Variants in ASXL3 observed in about 807,000 individuals in gnomAD.
The protein encoded by ASXL3 is putative Polycomb group protein ASXL3.
Under a neutral mutation model 170.6 loss-of-function variants are expected in ASXL3, and 34 were observed. That is an observed-to-expected ratio of 0.20 (90% confidence interval 0.15 to 0.27). The LOEUF (loss-of-function observed/expected upper bound fraction) is 0.27, where lower values mean the gene tolerates loss of function less well. Among genes scored for constraint, ASXL3 ranks in the 10% least tolerant of loss-of-function variants. The pLI is 1.00. For synonymous variants in ASXL3, 1,002 were observed against 989.1 expected (o/e 1.01, Z -0.24); for missense variants, 2,592 against 2,695.3 (o/e 0.96, Z 0.85).
intron 7 of ASXL3, among the ~76,000 whole-genome samples, chr18:33,677,980 C>T (rs2066454842): frequency 6.6e-6 from 1 of 152,186 alleles, no homozygotes. Flanking sequence ...GCCTCAAACT[C>T]GTGAGCTCAG....
chr18:33,734,239 T>C, intron 9 of ASXL3, 71 bp from the exon 10 acceptor site: 1 of 1,021,592 alleles, frequency 9.8e-7, no homozygotes, highest in South Asian at 1.9e-5. Context: ...TCAAATGAAT[T>C]ACATGTTTTC....
At chr18:33,666,339 A>G (rs1333019058) in intron 5 of ASXL3, among the ~76,000 whole-genome samples, 1 of 152,208 alleles carries the variant, frequency 6.6e-6, no homozygotes, top group Non-Finnish European at 1.5e-5. Flanking sequence ...ATCTGTCAAA[A>G]TAAATCACAT....
chr18:33,689,003 CT>C (rs11370465), intron 8 of ASXL3, among the ~76,000 whole-genome samples: 68 of 149,546 alleles, frequency 4.5e-4, no homozygotes, highest in African/African-American at 1.4e-3. Flanking sequence ...TTCTTTTTAT[CT>C]TTTTTTTTTG....
In ASXL3 at chr18:33,743,230, C is replaced by T. The variant is rs1224996800; in HGVS notation, c.3382C>T (p.Arg1128Trp). The T allele has an allele frequency of 1.8e-5, 29 of 1,613,818 alleles. No individual in the cohort carries two copies. Among genetic ancestry groups the T allele is most frequent in the African/African-American group, 2.7e-5 (2 of 74,912 alleles). The change falls in exon 12 of 12, where the codon CGG becomes TGG. Residue 1128 changes from arginine to tryptophan, a missense_variant. Physicochemically the swap from Arg to Trp is moderately radical, Grantham distance 101. Around this residue, in one of 4 missense-constraint regions of ASXL3, gnomAD observed 2,246 missense variants for 2,219.6 expected, o/e 1.01. Transcript: ENST00000269197. ...TCTCTTCCAGACCTCTAAAGAGACC[C>T]GGTTGCCTCCTCCGCTCAGCTCAAA... ...AHLFQTSKET[R>W]LPPPLSSKEG...
intron 8 of ASXL3, among the ~76,000 whole-genome samples, chr18:33,719,296 G>A (rs1036967131): frequency 9.9e-5 from 15 of 151,800 alleles, no homozygotes; most frequent in Middle Eastern, 6.8e-3. Context: ...ATACATCTCT[G>A]CTTGGAAATA....
chr18:33,715,538 G>A (rs965184421), intron 8 of ASXL3, among the ~76,000 whole-genome samples: 1 of 152,196 alleles, frequency 6.6e-6, no homozygotes, highest in Admixed American at 6.5e-5. Flanking sequence ...TGATTTTGCT[G>A]TAGAAATGGG....
intron 7 of ASXL3, among the ~76,000 whole-genome samples, chr18:33,676,623 T>G (rs534407011): frequency 6.6e-6 from 1 of 152,224 alleles, no homozygotes; most frequent in East Asian, 1.9e-4. Flanking sequence ...TCCTTTATTA[T>G]AGACCTTGAA....
At chr18:33,602,430 A>G (rs1360016621) in intron 1 of ASXL3, among the ~76,000 whole-genome samples, 1 of 152,038 alleles carries the variant, frequency 6.6e-6, no homozygotes, top group Non-Finnish European at 1.5e-5. Flanking sequence ...AATACTGGGT[A>G]TTTGCTGAGG....
chr18:33,654,761 C>G (rs1040183806), intron 4 of ASXL3, among the ~76,000 whole-genome samples: 3 of 152,002 alleles, frequency 2.0e-5, no homozygotes, highest in Non-Finnish European at 2.9e-5. Flanking sequence ...CTCCATTACC[C>G]TGTGAGCGAA....
intron 8 of ASXL3, among the ~76,000 whole-genome samples, chr18:33,692,557 ACC>A (rs1344487439): frequency 6.6e-6 from 1 of 151,632 alleles, no homozygotes; most frequent in Non-Finnish European, 1.5e-5. Flanking sequence ...CATCTAAAAC[ACC>A]TTCTTTAGTT....
At position 33,745,371 on chromosome 18, in the gene ASXL3, T is replaced by C. The variant is rs1424802556; in HGVS notation, c.5523T>C (p.Val1841=). The change falls in exon 12 of 12, where the codon GTT becomes GTC. Residue 1841 remains valine, a synonymous_variant. Transcript: ENST00000269197. ...VARTVGEHTQ[V]KCEPGKLLVE... is the part of the protein sequence containing the mutation. ...GGACTGTAGGAGAACACACTCAAGTTAAATGTGAACCAGGAAAATTGTTGG... is the reference window on the plus strand; with the variant it reads ...GGACTGTAGGAGAACACACTCAAGTCAAATGTGAACCAGGAAAATTGTTGG... 3 of 1,613,758 alleles carry C rather than the reference T, an allele frequency of 1.9e-6. No homozygotes were observed. The African/African-American group carries it at 4.0e-5, about 22-fold the overall frequency.
At chr18:33,682,459 A>G (rs2066529240) in intron 7 of ASXL3, among the ~76,000 whole-genome samples, 1 of 152,182 alleles carries the variant, frequency 6.6e-6, no homozygotes, top group East Asian at 1.9e-4. Context: ...TGAACTCTAC[A>G]TACAGCCTTC....
chr18:33,634,549 C>A (rs1599423727), intron 2 of ASXL3, among the ~76,000 whole-genome samples: 1 of 152,082 alleles, frequency 6.6e-6, no homozygotes, highest in Middle Eastern at 3.4e-3. Context: ...CTAATAATGT[C>A]TTTTTGTGAA....
At chr18:33,712,679 GA>G (rs145446192) in intron 8 of ASXL3, among the ~76,000 whole-genome samples, 2,326 of 152,322 alleles carry the variant, frequency 0.015, 64 homozygotes, top group African/African-American at 0.053. Flanking sequence ...GGATACTCCT[GA>G]AACTTTCTGC....
At chr18:33,662,307 G>A (rs1315023201) in intron 5 of ASXL3, among the ~76,000 whole-genome samples, 2 of 152,166 alleles carry the variant, frequency 1.3e-5, no homozygotes, top group Non-Finnish European at 2.9e-5. Flanking sequence ...TAGACACAAG[G>A]TTGGGCTCTG....
intron 2 of ASXL3, among the ~76,000 whole-genome samples, chr18:33,633,959 A>G (rs2065726569): frequency 6.6e-6 from 1 of 152,196 alleles, no homozygotes; most frequent in Non-Finnish European, 1.5e-5. Context: ...TATTGAAAAT[A>G]AATGTAAAAA....
intron 6 of ASXL3, 105 bp from the exon 7 acceptor site, chr18:33,671,642 C>T: frequency 9.8e-7 from 1 of 1,022,364 alleles, no homozygotes; most frequent in Non-Finnish European, 1.4e-6. Flanking sequence ...AGTGTATTAA[C>T]TCTAGAAAAG....
chr18:33,664,100 T>C (rs2066219352), intron 5 of ASXL3, among the ~76,000 whole-genome samples: 1 of 152,126 alleles, frequency 6.6e-6, no homozygotes, highest in South Asian at 2.1e-4. Context: ...GACACTGTAC[T>C]CTCCATTTTA....
chr18:33,599,854 TG>T (rs2065165573), intron 1 of ASXL3, among the ~76,000 whole-genome samples: 1 of 152,118 alleles, frequency 6.6e-6, no homozygotes, highest in Non-Finnish European at 1.5e-5. Context: ...ACCACAGAGC[TG>T]TGGGTGCAAT....
Sources: gnomAD v4.1 joint callset for allele counts (sites outside exome capture counted in the v4.1 genomes callset) on GRCh38, gnomAD v4.1.1 for gene constraint, gnomAD v4.1.1 regional missense constraint, MANE v1.5 for transcripts, NCBI Gene and HGNC (gene_info 2026-07-23, HGNC 2026-07-21) for gene names.